SPIDR: variants seen among roughly 807,000 people sequenced by gnomAD.
SPIDR encodes the protein DNA repair-scaffolding protein.
In SPIDR, 93 loss-of-function variants were observed where a neutral mutation model predicts 104.6. The ratio of observed to expected loss-of-function variants is 0.89; its 90% CI spans 0.75 to 1.06. The LOEUF is 1.06. SPIDR is among the 50% of genes least tolerant of loss of function. SPIDR has a pLI of 0.00. For synonymous variants in SPIDR, 431 were observed against 416.9 expected (o/e 1.03, Z -0.41); for missense variants, 1,154 against 1,111.2 (o/e 1.04, Z -0.55).
chr8:47,601,979 T>C lies in SPIDR; in HGVS notation c.1544+2783T>C, dbSNP rs1334782658. Among the ~76,000 whole-genome samples the C allele has an allele frequency of 2.7e-5, 4 of 148,622 alleles. No homozygotes were observed. In the Admixed American group the frequency reaches 2.7e-4, roughly 10 times the overall value. On this transcript the variant is annotated intron_variant, in intron 10 of 19. Coordinates refer to ENST00000297423, the MANE Select transcript of SPIDR (RefSeq NM_001080394.4). The stretch of plus-strand genomic sequence containing the variant: ...CTCTCTAGTTTACATATCAAATTAA[T>C]ATAGAAGTAAAACTGTACTTTATTC...
chr8:47,496,545 ATT>A (rs1216533028), intron 8 of SPIDR, among the ~76,000 whole-genome samples: 1 of 152,070 alleles, frequency 6.6e-6, no homozygotes, highest in African/African-American at 2.4e-5. Flanking sequence ...TATAAATCTC[ATT>A]TAGTTGTGGT....
chr8:47,660,551 T>C, intron 10 of SPIDR: 3 of 982,660 alleles, frequency 3.1e-6, no homozygotes, highest in Non-Finnish European at 3.6e-6. Flanking sequence ...TGGAACCACT[T>C]TCTGACTGCT....
At chr8:47,400,205 G>T (rs2061693757) in intron 6 of SPIDR, among the ~76,000 whole-genome samples, 1 of 152,216 alleles carries the variant, frequency 6.6e-6, no homozygotes, top group African/African-American at 2.4e-5. Flanking sequence ...GAGAGGGTAG[G>T]GGAGACAACA....
At chr8:47,317,633 A>G (rs1174463188) in intron 5 of SPIDR, among the ~76,000 whole-genome samples, 1 of 152,214 alleles carries the variant, frequency 6.6e-6, no homozygotes, top group Non-Finnish European at 1.5e-5. Context: ...GTCTGAGAAC[A>G]GAAAGACTGC....
At chr8:47,538,362 G>A (rs978921400) in intron 8 of SPIDR, among the ~76,000 whole-genome samples, 1 of 152,030 alleles carries the variant, frequency 6.6e-6, no homozygotes, top group Non-Finnish European at 1.5e-5. Context: ...TGGCCAACAT[G>A]GTGAAACCCC....
chr8:47,382,950 C>G (rs1399454878), intron 5 of SPIDR, among the ~76,000 whole-genome samples: 1 of 152,144 alleles, frequency 6.6e-6, no homozygotes, highest in Non-Finnish European at 1.5e-5. Flanking sequence ...TACAGATTGT[C>G]AAAATAAAGA....
At chr8:47,352,208 C>T (rs2053634389) in intron 5 of SPIDR, among the ~76,000 whole-genome samples, 1 of 149,866 alleles carries the variant, frequency 6.7e-6, no homozygotes, top group South Asian at 2.1e-4. Context: ...ACCCGGGAGG[C>T]GGAGGTCGCA....
At chr8:47,573,037 A>G (rs991067973) in intron 8 of SPIDR, among the ~76,000 whole-genome samples, 1 of 152,326 alleles carries the variant, frequency 6.6e-6, no homozygotes, top group South Asian at 2.1e-4. Flanking sequence ...TTAAGTAAAA[A>G]CCCATTTACA....
intron 8 of SPIDR, among the ~76,000 whole-genome samples, chr8:47,445,587 G>T (rs1319381758): frequency 7.2e-5 from 11 of 152,194 alleles, no homozygotes; most frequent in Non-Finnish European, 4.4e-5. Context: ...AGCTAGAAAT[G>T]ATTAAGCTTA....
At chr8:47,394,145 GATCT>G (rs1475739894) in intron 5 of SPIDR, among the ~76,000 whole-genome samples, 4 of 152,152 alleles carry the variant, frequency 2.6e-5, no homozygotes, top group African/African-American at 9.7e-5. Context: ...GGCCTCAAGT[GATCT>G]GCCTGCCTTA....
rs2035712589 is a variant in SPIDR, at chr8:47,273,320, A to C, written c.34-6542A>C. Among the ~76,000 whole-genome samples, 3 of 152,226 alleles carry C rather than the reference A, an allele frequency of 2.0e-5. No homozygotes were observed. In the South Asian group the frequency reaches 6.2e-4, roughly 31 times the overall value. On this transcript the variant is annotated intron_variant, in intron 1 of 19. Transcript: ENST00000297423. ...ATAAGTAAGGGAAATACTTACCTTT[A>C]CTGATTTTTTATAAAGGTATTCAGT...
chr8:47,321,827 A>G (rs1376010103), intron 5 of SPIDR, among the ~76,000 whole-genome samples: 1 of 152,184 alleles, frequency 6.6e-6, no homozygotes, highest in Non-Finnish European at 1.5e-5. Context: ...CAAACCTGAC[A>G]AAAACAAGAA....
At chr8:47,665,790 A>G (rs2074831012) in intron 10 of SPIDR, among the ~76,000 whole-genome samples, 1 of 152,236 alleles carries the variant, frequency 6.6e-6, no homozygotes, top group Admixed American at 6.5e-5. Flanking sequence ...AAGGAGATTG[A>G]ACACAGTAGT....
chr8:47,552,359 T>C (rs1278405536), intron 8 of SPIDR, among the ~76,000 whole-genome samples: 2 of 152,182 alleles, frequency 1.3e-5, no homozygotes, highest in African/African-American at 4.8e-5. Context: ...CTGTCTAATA[T>C]TTACAGTGGG....
At chr8:47,420,995 G>A (rs754718136) in intron 7 of SPIDR, among the ~76,000 whole-genome samples, 1 of 152,202 alleles carries the variant, frequency 6.6e-6, no homozygotes, top group African/African-American at 2.4e-5. Context: ...AGTCTGATGG[G>A]CTTCACTTTG....
In SPIDR at chr8:47,701,726, A is replaced by G. The variant is rs1041466541; in HGVS notation, c.1779A>G (p.Lys593=). The change falls in exon 13 of 20, where the codon AAA becomes AAG. Residue 593 remains lysine, a synonymous_variant. Transcript: ENST00000297423. ...CCTTTGTCTCATTTAAACAGATAAAAACTCATCTGCCTCCTCCAGCCTTGT... is the reference window on the plus strand; with the variant it reads ...CCTTTGTCTCATTTAAACAGATAAAGACTCATCTGCCTCCTCCAGCCTTGT... The part of the protein sequence containing the change: ...PGRDQPCEEI[K]THLPPPALCY... 2.5e-6 allele frequency: 4 copies of G among 1,614,018 alleles called. No individual in the cohort carries two copies. The highest frequency in any genetic ancestry group is 3.4e-6 in the Non-Finnish European group (4 of 1,179,954).
intron 5 of SPIDR, among the ~76,000 whole-genome samples, chr8:47,300,558 C>G (rs1586591306): frequency 6.6e-6 from 1 of 152,312 alleles, no homozygotes; most frequent in East Asian, 1.9e-4. Flanking sequence ...AATTTTAGAT[C>G]TTTCCTGCTT....
rs1207159712 is a variant in SPIDR, at chr8:47,596,443, T to C, written c.1293+437T>C. On this transcript the variant is annotated intron_variant, in intron 9 of 19. Coordinates refer to ENST00000297423, the MANE Select transcript of SPIDR (RefSeq NM_001080394.4). ...AAACCTGCATGGTGGCAAGTACTTG[T>C]GTATGTAAACGTATCTAAACATAGA... 3.9e-5 allele frequency among the ~76,000 whole-genome samples: 6 copies of C among 152,276 alleles called. No individual in the cohort carries two copies. The East Asian group carries it at 9.6e-4, about 24-fold the overall frequency.
intron 10 of SPIDR, among the ~76,000 whole-genome samples, chr8:47,668,237 TGTA>T (rs201618981): frequency 1.3e-5 from 2 of 152,106 alleles, no homozygotes; most frequent in East Asian, 3.8e-4. Context: ...TGATACCAAA[TGTA>T]GTATGAAAAA....
Sources: gnomAD v4.1 joint callset for allele counts (sites outside exome capture counted in the v4.1 genomes callset) on GRCh38, gnomAD v4.1.1 for gene constraint, MANE v1.5 for transcripts, NCBI Gene and HGNC (gene_info 2026-07-23, HGNC 2026-07-21) for gene names.